ZNF131: variants seen among roughly 807,000 people sequenced by gnomAD.
ZNF131 encodes zinc finger and BTB domain containing 35.
A neutral mutation model predicts 60.0 loss-of-function variants in ZNF131; 7 were observed. The ratio of observed to expected loss-of-function variants is 0.12; its 90% CI spans 0.07 to 0.22. The LOEUF is 0.22. ZNF131 is among the 10% of genes least tolerant of loss of function. ZNF131 has a pLI of 1.00. For missense variants in ZNF131, 493 were observed against 740.9 expected (o/e 0.67, Z 3.88); for synonymous variants, 257 against 253.2 (o/e 1.01, Z -0.14).
At chr5:43,140,487 A>T (rs1339351576) in intron 4 of ZNF131, among the ~76,000 whole-genome samples, 2 of 152,252 alleles carry the variant, frequency 1.3e-5, no homozygotes, top group African/African-American at 2.4e-5. Context: ...GAATTAATGC[A>T]TGCAAAGTGT....
intron 4 of ZNF131, among the ~76,000 whole-genome samples, chr5:43,143,898 CTTTTTTTTTTTTTTTTTTTTTTT>C (rs79246574): frequency 2.8e-3 from 99 of 34,996 alleles, no homozygotes; most frequent in Non-Finnish European, 4.3e-3. Flanking sequence ...ATTGTCAGAG[CTTTTTTTTTTTTTTTTTTTTTTT>C]TTTTTTTTTT....
Position 43,161,516 on chromosome 5 carries a change from G to T in ZNF131, c.639G>T (p.Leu213=), listed in dbSNP as rs967926370. Residue 213 remains leucine, a synonymous_variant, in exon 5 of 7, where the codon CTG becomes CTT. Transcript: ENST00000682664. The part of the protein sequence containing the change: ...TGSSDDSALA[L]LADITSKYRQ... ...CCTCTGATGATTCTGCTCTAGCACT[G>T]TTGGCAGATATTACCAGCAAGTACC... 1.2e-6 allele frequency: 2 copies of T among 1,614,246 alleles called. No individual in the cohort carries two copies. The highest frequency in any genetic ancestry group is 2.2e-5 in the South Asian group (2 of 91,088).
At position 43,151,234 on chromosome 5, in the gene ZNF131, G is replaced by T. The variant is rs73092470; in HGVS notation, c.372-10015G>T. 9.6e-3 allele frequency among the ~76,000 whole-genome samples: 1,468 copies of T among 152,148 alleles called. 28 individuals are homozygous for T. The highest frequency in any genetic ancestry group is 0.034 in the African/African-American group (1,410 of 41,482). ...CAATGTTGTACCACTTTTTTAATTGGATTACTCCTATTAGGGAAAACTGCC... is the reference window on the plus strand; with the variant it reads ...CAATGTTGTACCACTTTTTTAATTGTATTACTCCTATTAGGGAAAACTGCC... On this transcript the variant is annotated intron_variant, in intron 4 of 6. Coordinates refer to ENST00000682664, the MANE Select transcript of ZNF131 (RefSeq NM_001330707.2).
chr5:43,173,309 C>T lies in ZNF131; in HGVS notation c.1055-9C>T, dbSNP rs780715636. 2.2e-5 allele frequency: 34 copies of T among 1,559,706 alleles called. No individual in the cohort carries two copies. The highest frequency in any genetic ancestry group is 6.7e-5 in the African/African-American group (5 of 74,078). On this transcript the variant is annotated splice_polypyrimidine_tract_variant and intron_variant, in intron 5 of 6. Transcript: ENST00000682664. ...AATTTGCCAACGTATCTTTTTTCCC[C>T]TCTAATAGGTGAAAAACCTTTTGAA... is the stretch of plus-strand genomic sequence containing the variant.
chr5:43,136,650 C>CTTTTTTTTTTTTTT (rs139991070), intron 3 of ZNF131, among the ~76,000 whole-genome samples: 2 of 122,532 alleles, frequency 1.6e-5, no homozygotes, highest in Non-Finnish European at 1.7e-5. Context: ...TTTTCTTTTT[C>CTTTTTTTTTTTTTT]TTTTTTTTTT....
chr5:43,124,165 TA>T (rs752099153), intron 3 of ZNF131: 1 of 152,226 alleles, frequency 6.6e-6, no homozygotes, highest in African/African-American at 2.4e-5. Flanking sequence ...AAGCAGGCTC[TA>T]AAAGGTTACT....
chr5:43,161,214 A>T (rs781221920), intron 4 of ZNF131, 35 bp from the exon 5 acceptor site: 5 of 1,530,480 alleles, frequency 3.3e-6, no homozygotes, highest in Middle Eastern at 1.8e-4. Flanking sequence ...GGATCTTCTT[A>T]TAGATTTTTT....
chr5:43,125,025 G>C (rs1744338072), intron 3 of ZNF131: 1 of 137,462 alleles, frequency 7.3e-6, no homozygotes, highest in Non-Finnish European at 1.6e-5. Context: ...GCAAGGCCCT[G>C]TCTCAAAAAA....
At chr5:43,170,856 C>T (rs574879598) in intron 5 of ZNF131, among the ~76,000 whole-genome samples, 96 of 149,738 alleles carry the variant, frequency 6.4e-4, no homozygotes, top group African/African-American at 2.1e-3. Context: ...AGGCTGATCT[C>T]GAACTCCTGA....
At chr5:43,159,833 A>AT (rs1381304339) in intron 4 of ZNF131, among the ~76,000 whole-genome samples, 1 of 151,968 alleles carries the variant, frequency 6.6e-6, no homozygotes, top group Non-Finnish European at 1.5e-5. Context: ...TATTTTATCA[A>AT]TTTTTGCTGT....
intron 4 of ZNF131, among the ~76,000 whole-genome samples, chr5:43,149,967 G>A (rs975999085): frequency 2.0e-5 from 3 of 152,180 alleles, no homozygotes; most frequent in Non-Finnish European, 4.4e-5. Flanking sequence ...CATGGATGCC[G>A]GCAAGAGACA....
At chr5:43,122,273 C>A in intron 2 of ZNF131, 96 bp downstream of exon 2, 2 of 1,244,254 alleles carry the variant, frequency 1.6e-6, no homozygotes, top group Non-Finnish European at 2.2e-6. Context: ...TTTTTTTAAC[C>A]CATCCTCTAT....
chr5:43,126,033 G>A (rs1044254883), intron 3 of ZNF131, among the ~76,000 whole-genome samples: 3 of 152,182 alleles, frequency 2.0e-5, no homozygotes, highest in African/African-American at 4.8e-5. Flanking sequence ...AGTATCTTAA[G>A]CCCTTAACTT....
chr5:43,140,152 T>C (rs1480214275), intron 4 of ZNF131, among the ~76,000 whole-genome samples: 3 of 152,112 alleles, frequency 2.0e-5, no homozygotes, highest in Non-Finnish European at 4.4e-5. Flanking sequence ...CCTGGCAAGG[T>C]TGTGGCTGCA....
chr5:43,130,715 C>A (rs1745235101), intron 3 of ZNF131, among the ~76,000 whole-genome samples: 1 of 151,844 alleles, frequency 6.6e-6, no homozygotes, highest in East Asian at 1.9e-4. Flanking sequence ...CAGGCATGCA[C>A]CACCATGCCC....
At chr5:43,165,972 T>G (rs1054776383) in intron 5 of ZNF131, among the ~76,000 whole-genome samples, 6 of 152,258 alleles carry the variant, frequency 3.9e-5, no homozygotes, top group African/African-American at 9.6e-5. Flanking sequence ...CATTGCACTT[T>G]TATGTTATAG....
At chr5:43,123,126 A>T (rs971327698) in intron 2 of ZNF131, 83 bp from the exon 3 acceptor site, 5 of 1,101,762 alleles carry the variant, frequency 4.5e-6, no homozygotes, top group African/African-American at 3.2e-5. Context: ...TTTGCTTTAT[A>T]TGATTTTTAA....
intron 5 of ZNF131, among the ~76,000 whole-genome samples, chr5:43,166,687 GCT>G (rs962591670): frequency 6.0e-5 from 9 of 150,350 alleles, no homozygotes; most frequent in African/African-American, 2.2e-4. Context: ...ACGGGGTCTC[GCT>G]CTGTCGCCCA....
chr5:43,131,753 A>T (rs1745380674), intron 3 of ZNF131, among the ~76,000 whole-genome samples: 2 of 152,050 alleles, frequency 1.3e-5, no homozygotes, highest in South Asian at 4.1e-4. Context: ...AATAAGCAGT[A>T]ATTCACCCAT....
Sources: gnomAD v4.1 joint callset for allele counts (sites outside exome capture counted in the v4.1 genomes callset) on GRCh38, gnomAD v4.1.1 for gene constraint, MANE v1.5 for transcripts, NCBI Gene and HGNC (gene_info 2026-07-23, HGNC 2026-07-21) for gene names.